Variants in DROSHA observed in about 807,000 individuals in gnomAD.
The protein encoded by DROSHA is drosha ribonuclease III.
In DROSHA, 56 loss-of-function variants were observed where a neutral mutation model predicts 181.9. The ratio of observed to expected loss-of-function variants is 0.31; its 90% confidence interval spans 0.25 to 0.38. DROSHA has a LOEUF of 0.38. Among genes scored for constraint, DROSHA ranks in the 10% least tolerant of loss-of-function variants. The pLI is 1.00. For missense variants in DROSHA, 1,218 were observed against 1,743.5 expected (o/e 0.70, Z 5.37); for synonymous variants, 524 against 591.2 (o/e 0.89, Z 1.65).
At chr5:31,469,618 T>A (rs146401496) in intron 17 of DROSHA, among the ~76,000 whole-genome samples, 118 of 152,370 alleles carry the variant, frequency 7.7e-4, no homozygotes, top group African/African-American at 2.7e-3. Flanking sequence ...AACTGTGGAA[T>A]AGAATGCTAT....
At position 31,514,719 on chromosome 5, in the gene DROSHA, T is replaced by C. The variant is rs948925210; in HGVS notation, c.1290+269A>G. Among the ~76,000 whole-genome samples the C allele has an allele frequency of 2.6e-5, 4 of 152,244 alleles. No individual in the cohort carries two copies. Among genetic ancestry groups the C allele is most frequent in the African/African-American group, 9.6e-5 (4 of 41,466 alleles). ...ACTGCACTCTTGGCTTTTAGCTTTT[T>C]AAAACGGCTTTTGTCTGTAACAGTG... On this transcript the variant is annotated intron_variant, in intron 8 of 35. Coordinates refer to ENST00000344624, the MANE Select transcript of DROSHA (RefSeq NM_001382508.1). The surrounding 1 kb of genome is among the most constrained non-coding windows in gnomAD (Gnocchi z 4.4).
rs566875342 is a variant in DROSHA, at chr5:31,460,548, A to G, written c.2574+3688T>C. ...AGGCTTTCACTAGCAACCTACTAGC[A>G]ATTATTACTAAAAAACAGTAGGTTC... On this transcript the variant is annotated intron_variant, in intron 20 of 35. Coordinates refer to ENST00000344624, the MANE Select transcript of DROSHA (RefSeq NM_001382508.1). Among the ~76,000 whole-genome samples, 17 of 152,314 alleles carry G rather than the reference A, an allele frequency of 1.1e-4. No homozygotes were observed. The South Asian group carries it at 2.7e-3, about 24-fold the overall frequency.
chr5:31,444,430 A>G (rs547669134), intron 23 of DROSHA, among the ~76,000 whole-genome samples: 6 of 152,360 alleles, frequency 3.9e-5, no homozygotes, highest in African/African-American at 1.4e-4. Context: ...GGTAAATTCA[A>G]ACATCACACA....
chr5:31,514,922 C>T lies in DROSHA; in HGVS notation c.1290+66G>A. The T allele has an allele frequency of 1.4e-6, 2 of 1,478,372 alleles. No homozygotes were observed. Among genetic ancestry groups the T allele is most frequent in the Non-Finnish European group, 1.9e-6 (2 of 1,077,156 alleles). The allele number at this position is 1,478,372 out of a possible 1,614,324, so 91.6% of individuals were successfully genotyped here. A position where few individuals can be genotyped will look rare whatever the true frequency, so the allele number is the denominator to read the frequency against. On this transcript the variant is annotated intron_variant, in intron 8 of 35. Transcript: ENST00000344624. This position sits in a 1 kb window ranked among gnomAD's most constrained non-coding sequence, Gnocchi z 4.4. Reference sequence around the variant, plus strand: ...CCCACAATCAAGAATTTATCCAGCCCCAAAGGCCAATAGTGACAACGCCGA... The same window carrying T: ...CCCACAATCAAGAATTTATCCAGCCTCAAAGGCCAATAGTGACAACGCCGA...
rs372836185 is a variant in DROSHA at position 31,526,633 on chromosome 5, C to T, written c.300G>A (p.Pro100=). The change falls in exon 5 of 36, where the codon CCG becomes CCA. Residue 100 remains proline, a synonymous_variant. Coordinates refer to ENST00000344624, the MANE Select transcript of DROSHA (RefSeq NM_001382508.1). ...GCCTCATCTGGTGGTTGGGGAAAGG[C>T]GGCCTGATTGGGCAGGGGGGAAGAG... is the stretch of plus-strand genomic sequence containing the variant. The part of the protein sequence containing the change: ...QGPLPPCPIR[P]PFPNHQMRHP... 116 of 1,424,824 alleles carry T rather than the reference C, an allele frequency of 8.1e-5. No individual in the cohort carries two copies. Among genetic ancestry groups the T allele is most frequent in the Admixed American group, 1.4e-4 (5 of 35,094 alleles). 88.3% of individuals were successfully genotyped at this position (1,424,824 alleles called of 1,614,324 possible). A position where few individuals can be genotyped will look rare whatever the true frequency, so the allele number is the denominator to read the frequency against.
At chr5:31,412,650 T>C (rs960482027) in intron 30 of DROSHA, among the ~76,000 whole-genome samples, 1 of 152,202 alleles carries the variant, frequency 6.6e-6, no homozygotes, top group African/African-American at 2.4e-5. Context: ...TCTTTGCCTG[T>C]CTCTGCTTTC....
chr5:31,514,637 CCT>C lies in DROSHA; in HGVS notation c.1290+349_1290+350del, dbSNP rs1739078369. Reference sequence around the variant, plus strand: ...TCCAGCCTGGGTGACAGAGCGAGACCCTGTCTCAAAAATAAATAAATAAAAAT... The same window carrying C: ...TCCAGCCTGGGTGACAGAGCGAGACCGTCTCAAAAATAAATAAATAAAAAT... On this transcript the variant is annotated intron_variant, in intron 8 of 35. Transcript: ENST00000344624. This position sits in a 1 kb window ranked among gnomAD's most constrained non-coding sequence, Gnocchi z 4.4. 1.3e-5 allele frequency among the ~76,000 whole-genome samples: 2 copies of C among 151,978 alleles called. No individual in the cohort carries two copies. Among genetic ancestry groups the C allele is most frequent in the Non-Finnish European group, 2.9e-5 (2 of 68,000 alleles).
chr5:31,513,532 C>T (rs143671010), intron 8 of DROSHA, among the ~76,000 whole-genome samples: 131 of 152,310 alleles, frequency 8.6e-4, no homozygotes, highest in Non-Finnish European at 1.4e-3. Context: ...TGTGAGCTTT[C>T]CCTTCCCTGT....
At chr5:31,406,809 C>T in intron 34 of DROSHA, 44 bp downstream of exon 34, 1 of 1,562,652 alleles carries the variant, frequency 6.4e-7, no homozygotes, top group Non-Finnish European at 8.8e-7. Flanking sequence ...ATTAGACACA[C>T]AGGATGTTCA....
chr5:31,412,962 C>T (rs556021229), intron 30 of DROSHA, among the ~76,000 whole-genome samples: 4 of 152,234 alleles, frequency 2.6e-5, no homozygotes, highest in African/African-American at 4.8e-5. Context: ...GGGTCCTCTC[C>T]GAATATATGC....
intron 18 of DROSHA, 95 bp from the exon 19 acceptor site, chr5:31,466,376 C>A: frequency 1.0e-6 from 1 of 985,512 alleles, no homozygotes; most frequent in Non-Finnish European, 1.6e-6. Context: ...TCAAATCATA[C>A]ATTACATTCT....
rs191784305 is a variant in DROSHA at position 31,473,268 on chromosome 5, A to G, written c.2072-1036T>C. On this transcript the variant is annotated intron_variant, in intron 16 of 35. Transcript: ENST00000344624. Reference sequence around the variant, plus strand: ...GCACCCAGTTTGAGTCTGGTGCACTAAACAAGTTTAATGTGAATTGCTGTG... The same window carrying G: ...GCACCCAGTTTGAGTCTGGTGCACTGAACAAGTTTAATGTGAATTGCTGTG... Among the ~76,000 whole-genome samples the G allele has an allele frequency of 1.5e-3, 224 of 152,352 alleles. 1 individual carries two copies. Among genetic ancestry groups the G allele is most frequent in the African/African-American group, 5.3e-3 (220 of 41,578 alleles).
At position 31,526,199 on chromosome 5, in the gene DROSHA, C is replaced by T. The variant is rs376389062; in HGVS notation, c.734G>A (p.Arg245Gln). 3.1e-6 allele frequency: 5 copies of T among 1,613,662 alleles called. No individual in the cohort carries two copies. In the African/African-American group the frequency reaches 4.0e-5, roughly 13 times the overall value. ...GCCTCGCTCCCGCCGATCCAGGGAC[C>T]GATGCCTCTCACCTCGCCCATGACT... ...DHSHGRGERH[R>Q]SLDRRERGRS... Residue 245 changes from arginine to glutamine, a missense_variant, in exon 5 of 36, where the codon CGG becomes CAG. Arg to Gln is a conservative substitution (Grantham distance 43). Coordinates refer to ENST00000344624, the MANE Select transcript of DROSHA (RefSeq NM_001382508.1).
intron 27 of DROSHA, 68 bp downstream of exon 27, chr5:31,429,407 G>T: frequency 1.4e-6 from 2 of 1,419,632 alleles, no homozygotes; most frequent in Admixed American, 2.0e-5. Context: ...AAATTACAAA[G>T]ACCAGCTGAA....
intron 29 of DROSHA, among the ~76,000 whole-genome samples, 169 bp from the exon 30 acceptor site, chr5:31,421,546 G>A (rs1322622700): frequency 6.6e-6 from 1 of 151,998 alleles, no homozygotes; most frequent in African/African-American, 2.4e-5. Flanking sequence ...GAAGAGATCT[G>A]AGTTAATATA....
chr5:31,495,233 T>G, intron 12 of DROSHA, 53 bp downstream of exon 12: 1 of 1,540,472 alleles, frequency 6.5e-7, no homozygotes, highest in Non-Finnish European at 8.9e-7. Flanking sequence ...CCTATTCACA[T>G]TTTACTCTAT....
At chr5:31,479,651 A>C (rs1192295729) in intron 16 of DROSHA, among the ~76,000 whole-genome samples, 3 of 152,166 alleles carry the variant, frequency 2.0e-5, no homozygotes, top group African/African-American at 7.2e-5. Flanking sequence ...ATCATCAAGA[A>C]GATCAAAAAG....
At chr5:31,472,537 C>T (rs953238645) in intron 16 of DROSHA, among the ~76,000 whole-genome samples, 1 of 152,126 alleles carries the variant, frequency 6.6e-6, no homozygotes, top group African/African-American at 2.4e-5. Context: ...AATTTAAAGC[C>T]ACCTAGCATA....
chr5:31,433,236 T>C (rs556456763), intron 25 of DROSHA, among the ~76,000 whole-genome samples: 1 of 152,206 alleles, frequency 6.6e-6, no homozygotes, highest in Non-Finnish European at 1.5e-5. Context: ...CTGTTTGAAA[T>C]TTGTGATTAT....
Sources: allele counts gnomAD v4.1 joint callset (sites outside exome capture counted in the v4.1 genomes callset), GRCh38; gene constraint gnomAD v4.1.1; non-coding constraint Gnocchi (gnomAD v3.1); transcripts MANE v1.5; gene names NCBI Gene and HGNC (gene_info 2026-07-23, HGNC 2026-07-21).